COL5A1: variants seen among roughly 807,000 people sequenced by gnomAD.
The protein encoded by COL5A1 is collagen type V alpha 1 chain, also known as collagen alpha-1(V) chain.
In COL5A1, 16 loss-of-function variants were observed where a neutral mutation model predicts 263.7. That is an observed-to-expected ratio of 0.06 (90% CI 0.04 to 0.09). The LOEUF (loss-of-function observed/expected upper bound fraction) is 0.09. COL5A1 is among the 10% of genes least tolerant of loss of function. COL5A1 has a pLI of 1.00. For missense variants in COL5A1, 2,036 were observed against 2,540.5 expected, an observed-to-expected ratio of 0.80 and a Z score of 4.27; for synonymous variants, 1,012 against 1,004.5, an observed-to-expected ratio of 1.01 and a Z score of -0.14.
In COL5A1 at chr9:134,766,507, C is replaced by T. The variant is rs765287192; in HGVS notation, c.2133+9C>T. ...GGCCAAAAGGAAATGTGGTAAGTCCCTGGGGTCCCGTGGCCTGGCTTCAGG... is the reference window on the plus strand; with the variant it reads ...GGCCAAAAGGAAATGTGGTAAGTCCTTGGGGTCCCGTGGCCTGGCTTCAGG... On this transcript the variant is annotated intron_variant, in intron 22 of 65. Transcript: ENST00000371817. 5.0e-6 allele frequency: 8 copies of T among 1,613,910 alleles called. No homozygotes were observed. Among genetic ancestry groups the T allele is most frequent in the Non-Finnish European group, 6.8e-6 (8 of 1,180,000 alleles).
Position 134,830,013 on chromosome 9 carries a change from C to G in COL5A1, c.5105C>G (p.Ser1702Cys), listed in dbSNP as rs768516952. 6.2e-7 allele frequency: 1 copy of G among 1,614,086 alleles called. No individual in the cohort carries two copies. Among genetic ancestry groups the G allele is most frequent in the South Asian group, 1.1e-5 (1 of 91,048 alleles). The change falls in exon 64 of 66, where the codon TCC becomes TGC. Residue 1702 changes from serine (S) to cysteine (C), a missense_variant. Physicochemically the swap from Ser to Cys is moderately radical, Grantham distance 112. Transcript: ENST00000371817. Reference protein sequence around the residue: ...ITSWPKENPGSWFSEFKRGKL... With the variant: ...ITSWPKENPGCWFSEFKRGKL... Reference sequence around the variant, plus strand: ...TCTTGGCCCAAAGAAAACCCGGGCTCCTGGTTCAGTGAATTCAAGCGTGGG... The same window carrying G: ...TCTTGGCCCAAAGAAAACCCGGGCTGCTGGTTCAGTGAATTCAAGCGTGGG...
chr9:134,691,251 G>A (rs1833270448), intron 2 of COL5A1, among the ~76,000 whole-genome samples, 172 bp downstream of exon 2: 1 of 152,256 alleles, frequency 6.6e-6, no homozygotes, highest in African/African-American at 2.4e-5. Flanking sequence ...TGCAACAGTG[G>A]GATTTTGTCC....
intron 1 of COL5A1, among the ~76,000 whole-genome samples, chr9:134,657,386 T>C (rs996885106): frequency 1.8e-4 from 2 of 11,008 alleles, no homozygotes; most frequent in East Asian, 3.3e-3. Flanking sequence ...AATATGGGGG[T>C]GGGGTGGGGG....
At chr9:134,709,314 T>TC (rs1564402399) in intron 4 of COL5A1, 5 of 240,498 alleles carry the variant, frequency 2.1e-5, no homozygotes, top group African/African-American at 7.4e-5. Flanking sequence ...TGAGGAGGGG[T>TC]GGGGGGGCTA....
rs528530408 is a variant in COL5A1 at position 134,696,232 on chromosome 9, G to C, written c.278-3677G>C. Among the ~76,000 whole-genome samples, 1 of 152,232 alleles carries C rather than the reference G, an allele frequency of 6.6e-6. No homozygotes were observed. Among genetic ancestry groups the C allele is most frequent in the South Asian group, 2.1e-4 (1 of 4,808 alleles). ...TCTGTCGCCCAGGCTGGAGTGCAGTGGTGTAATCTTGGCTCACGGCAACCT... is the reference window on the plus strand; with the variant it reads ...TCTGTCGCCCAGGCTGGAGTGCAGTCGTGTAATCTTGGCTCACGGCAACCT... On this transcript the variant is annotated intron_variant, in intron 2 of 65. Coordinates refer to ENST00000371817, the MANE Select transcript of COL5A1 (RefSeq NM_000093.5). This position sits in a 1 kb window ranked among gnomAD's most constrained non-coding sequence, Gnocchi z 4.3.
intron 19 of COL5A1, among the ~76,000 whole-genome samples, chr9:134,762,306 T>C (rs1049176404): frequency 6.6e-6 from 1 of 152,224 alleles, no homozygotes; most frequent in Non-Finnish European, 1.5e-5. Flanking sequence ...GAGCGTTTAC[T>C]GAGCTCAGCG....
At chr9:134,756,628 G>A (rs1014937088) in intron 16 of COL5A1, 137 bp from the exon 17 acceptor site, 12 of 939,568 alleles carry the variant, frequency 1.3e-5, no homozygotes, top group Admixed American at 1.1e-4. Context: ...GCAGCAGCCC[G>A]GCCACTCGGG....
At chr9:134,813,934 T>C in intron 48 of COL5A1, 49 bp from the exon 49 acceptor site, 4 of 1,538,614 alleles carry the variant, frequency 2.6e-6, no homozygotes, top group Non-Finnish European at 3.5e-6. Context: ...TAGCACTGCG[T>C]TCATCGCGGT....
chr9:134,806,307 C>A lies in COL5A1; in HGVS notation c.3366+11C>A. On this transcript the variant is annotated intron_variant, in intron 42 of 65. Coordinates refer to ENST00000371817, the MANE Select transcript of COL5A1 (RefSeq NM_000093.5). The stretch of plus-strand genomic sequence containing the variant: ...GAGAAAGGGGCTCCTGTAAGTACTG[C>A]CTTGGATTGGGGGAGCCCTTCCCTC... The A allele has an allele frequency of 6.5e-7, 1 of 1,529,620 alleles. No individual in the cohort carries two copies. The highest frequency in any genetic ancestry group is 8.9e-7 in the Non-Finnish European group (1 of 1,129,886). The allele number at this position is 1,529,620 out of a possible 1,614,324, so 94.8% of individuals were successfully genotyped here.
chr9:134,777,543 C>T (rs1048484982), intron 27 of COL5A1, among the ~76,000 whole-genome samples: 5 of 152,232 alleles, frequency 3.3e-5, no homozygotes, highest in African/African-American at 4.8e-5. Flanking sequence ...GATCCTGAAA[C>T]GGTAGAACTG....
At chr9:134,830,188 C>T (rs1414321874) in intron 64 of COL5A1, 144 bp downstream of exon 64, 3 of 1,604,684 alleles carry the variant, frequency 1.9e-6, no homozygotes, top group East Asian at 2.3e-5. Flanking sequence ...TAAGTGGCCA[C>T]CTCGGCCCGG....
intron 65 of COL5A1, among the ~76,000 whole-genome samples, chr9:134,835,893 C>T (rs1222544237): frequency 1.3e-5 from 2 of 152,208 alleles, no homozygotes; most frequent in African/African-American, 2.4e-5. Flanking sequence ...CTGGGATGTG[C>T]CCGCGTGTCC....
In COL5A1 at chr9:134,767,088, C is replaced by T. The variant is rs1481338108; in HGVS notation, c.2187+35C>T. ...CCTGAGAGAGGCAGCTCGCAGGGATCCGGCCGTGGGAGGCACACGTCTCCA... is the reference window on the plus strand; with the variant it reads ...CCTGAGAGAGGCAGCTCGCAGGGATTCGGCCGTGGGAGGCACACGTCTCCA... On this transcript the variant is annotated intron_variant, in intron 23 of 65. Transcript: ENST00000371817. 1.9e-6 allele frequency: 3 copies of T among 1,608,296 alleles called. No individual in the cohort carries two copies. In the South Asian group the frequency reaches 3.3e-5, roughly 18 times the overall value.
At position 134,702,837 on chromosome 9, in the gene COL5A1, G is replaced by A. The variant is rs576570434; in HGVS notation, c.654+1504G>A. Among the ~76,000 whole-genome samples the A allele has an allele frequency of 3.3e-5, 5 of 152,332 alleles. No individual in the cohort carries two copies. The South Asian group carries it at 8.3e-4, about 25-fold the overall frequency. Reference sequence around the variant, plus strand: ...GCTATTTCTCTGTCTTAGGGTCTCCGTCTGTAAAATGGGATCACAGATGTG... The same window carrying A: ...GCTATTTCTCTGTCTTAGGGTCTCCATCTGTAAAATGGGATCACAGATGTG... On this transcript the variant is annotated intron_variant, in intron 4 of 65. Transcript: ENST00000371817.
At chr9:134,817,476 G>A (rs1297527386) in intron 53 of COL5A1, among the ~76,000 whole-genome samples, 2 of 152,214 alleles carry the variant, frequency 1.3e-5, no homozygotes, top group Non-Finnish European at 2.9e-5. Context: ...ACCCAGGACG[G>A]AGGCCACACA....
intron 28 of COL5A1, 107 bp from the exon 29 acceptor site, chr9:134,782,560 A>C: frequency 9.5e-7 from 1 of 1,056,456 alleles, no homozygotes; most frequent in Non-Finnish European, 1.5e-6. Context: ...CTGCCCCCCA[A>C]GCGTGGGGGA....
chr9:134,667,264 G>A (rs187883536), intron 1 of COL5A1, among the ~76,000 whole-genome samples: 146 of 152,324 alleles, frequency 9.6e-4, no homozygotes, highest in African/African-American at 3.2e-3. Flanking sequence ...CAGCATCCTG[G>A]CCATGCATGG....
chr9:134,831,604 C>T (rs1002740566), intron 64 of COL5A1, among the ~76,000 whole-genome samples: 12 of 152,118 alleles, frequency 7.9e-5, no homozygotes, highest in African/African-American at 2.2e-4. Flanking sequence ...TGCTGGGGGC[C>T]GAGGTGGCAG....
At position 134,763,556 on chromosome 9, in the gene COL5A1, C is replaced by T. The variant is rs564948726; in HGVS notation, c.1990-137C>T. 182 of 882,026 alleles carry T rather than the reference C, an allele frequency of 2.1e-4. 3 individuals are homozygous for T. In the East Asian group the frequency reaches 2.5e-3, roughly 12 times the overall value. The allele number at this position is 882,026 out of a possible 1,614,324, so 54.6% of individuals were successfully genotyped here. On this transcript the variant is annotated intron_variant, in intron 19 of 65. Transcript: ENST00000371817. ...GGAGCGAGGACATTCCAGGCCTTTC[C>T]GGCTGGTACCAGAGCTGGTAAACCT...
Sources: gnomAD v4.1 joint callset for allele counts (sites outside exome capture counted in the v4.1 genomes callset) on GRCh38, gnomAD v4.1.1 for gene constraint, Gnocchi (gnomAD v3.1) non-coding constraint, MANE v1.5 for transcripts, NCBI Gene and HGNC (gene_info 2026-07-23, HGNC 2026-07-21) for gene names.